Variants in USH2A observed in about 807,000 individuals in gnomAD.
The protein encoded by USH2A is usherin.
USH2A carries 443 observed loss-of-function variants against 538.9 expected under a neutral mutation model. The ratio of observed to expected loss-of-function variants is 0.82; its 90% CI spans 0.76 to 0.89. USH2A has a LOEUF of 0.89. Among genes scored for constraint, USH2A ranks in the 40% least tolerant of loss-of-function variants. USH2A has a pLI of 0.00. For synonymous variants in USH2A, 2,413 were observed against 2,273.5 expected, an observed-to-expected ratio of 1.06 and a Z score of -1.75; for missense variants, 6,633 against 6,324.8, an observed-to-expected ratio of 1.05 and a Z score of -1.65.
chr1:215,888,487 G>A lies in USH2A; in HGVS notation c.8162C>T (p.Pro2721Leu). The A allele has an allele frequency of 6.2e-7, 1 of 1,614,010 alleles. No homozygotes were observed. The highest frequency in any genetic ancestry group is 1.3e-5 in the African/African-American group (1 of 75,040). ...TGGCTGCACCCCAGCAGGTCGTGAG[G>A]GTCTTGTGGTAACTTCTACCCAAGC... ...SSAWVEVTTR[P>L]SRPAGVQPPV... Residue 2721 changes from proline to leucine, a missense_variant, in exon 41 of 72, where the codon CCC (proline) becomes CTC (leucine). Transcript: ENST00000307340.
At chr1:215,626,068 C>T (rs948007444) in intron 71 of USH2A, among the ~76,000 whole-genome samples, 198 bp from the exon 72 acceptor site, 84 of 151,948 alleles carry the variant, frequency 5.5e-4, no homozygotes, top group African/African-American at 1.7e-3. Flanking sequence ...CACACATGAA[C>T]TATAGACTAA....
At chr1:216,390,897 A>C (rs1189328177) in intron 3 of USH2A, among the ~76,000 whole-genome samples, 1 of 152,202 alleles carries the variant, frequency 6.6e-6, no homozygotes, top group Non-Finnish European at 1.5e-5. Flanking sequence ...GAGGGGTGCA[A>C]GTTATTTTTA....
At chr1:215,981,700 A>G (rs1219358212) in intron 35 of USH2A, among the ~76,000 whole-genome samples, 8 of 152,174 alleles carry the variant, frequency 5.3e-5, no homozygotes, top group Admixed American at 3.9e-4. Context: ...AGGACTATCT[A>G]CTAGTCCAAG....
chr1:216,044,994 T>A (rs1347628), intron 32 of USH2A, among the ~76,000 whole-genome samples: 62,025 of 152,022 alleles, frequency 0.41, 13,068 homozygotes, highest in Non-Finnish European at 0.48. Context: ...TACACAGCCC[T>A]GTCCACACGA....
intron 9 of USH2A, 95 bp from the exon 10 acceptor site, chr1:216,292,465 A>C: frequency 4.6e-6 from 6 of 1,305,140 alleles, no homozygotes; most frequent in Non-Finnish European, 6.4e-6. Flanking sequence ...AGTAAAGCAC[A>C]TATCAGTGAG....
Position 216,073,305 on chromosome 1 carries a change from C to G in USH2A, c.5573-5G>C, listed in dbSNP as rs1282525905. 1 of 1,606,706 alleles carries G rather than the reference C, an allele frequency of 6.2e-7. No homozygotes were observed. Among genetic ancestry groups the G allele is most frequent in the Non-Finnish European group, 8.5e-7 (1 of 1,178,366 alleles). Reference sequence around the variant, plus strand: ...CCTTCATGCAACCACCGAAACCTAGCAAATAGTAAGGGATTAGTATCGCAT... The same window carrying G: ...CCTTCATGCAACCACCGAAACCTAGGAAATAGTAAGGGATTAGTATCGCAT... On this transcript the variant is annotated splice_polypyrimidine_tract_variant and splice_region_variant and intron_variant, in intron 27 of 71. Transcript: ENST00000307340.
chr1:216,270,535 A>T (rs551112525), intron 11 of USH2A, among the ~76,000 whole-genome samples: 115 of 152,130 alleles, frequency 7.6e-4, no homozygotes, highest in African/African-American at 2.6e-3. Flanking sequence ...CAAGCTATGC[A>T]CTCTGTGAGT....
intron 31 of USH2A, among the ~76,000 whole-genome samples, chr1:216,047,787 ATATGTACAATTCCTCT>A (rs1380517424): frequency 6.6e-6 from 1 of 152,188 alleles, no homozygotes; most frequent in East Asian, 1.9e-4. Context: ...ACAGTATAAG[ATATGTACAATTCCTCT>A]TATCCAGAAT....
intron 44 of USH2A, among the ~76,000 whole-genome samples, chr1:215,849,344 A>C (rs1558126560): frequency 6.6e-6 from 1 of 152,196 alleles, no homozygotes; most frequent in Non-Finnish European, 1.5e-5. Flanking sequence ...ACAAAGACAG[A>C]GATGTAAAGG....
chr1:216,226,848 T>C (rs2035572383), intron 14 of USH2A, among the ~76,000 whole-genome samples: 2 of 152,192 alleles, frequency 1.3e-5, no homozygotes, highest in Admixed American at 1.3e-4. Flanking sequence ...TTCCTTGTCA[T>C]GATGAACTCT....
intron 50 of USH2A, among the ~76,000 whole-genome samples, chr1:215,797,985 T>C (rs1423127559): frequency 6.6e-6 from 1 of 152,142 alleles, no homozygotes. Flanking sequence ...TCATGATTCA[T>C]GGGAAGAAGT....
At chr1:216,188,079 G>T (rs2034643623) in intron 20 of USH2A, among the ~76,000 whole-genome samples, 1 of 151,914 alleles carries the variant, frequency 6.6e-6, no homozygotes, top group Admixed American at 6.6e-5. Context: ...AGAGGGCTCT[G>T]ACTAGTTAGT....
rs146325401 is a variant in USH2A, at chr1:215,639,213, C to A, written c.14994G>T (p.Thr4998=). 1 of 1,614,012 alleles carries A rather than the reference C, an allele frequency of 6.2e-7. No individual in the cohort carries two copies. Among genetic ancestry groups the A allele is most frequent in the African/African-American group, 1.3e-5 (1 of 75,000 alleles). ...GCGTCTTAACACTTCCTTCGTCAGT[C>A]GTGCAGATGACCTGGAAAAAGAAGG... ...DKTFFFQVIC[T]TDEGSVKTPL... is the part of the protein sequence containing the mutation. The change falls in exon 69 of 72, where the codon ACG becomes ACT. Residue 4998 remains threonine (T), a synonymous_variant. Coordinates refer to ENST00000307340, the MANE Select transcript of USH2A (RefSeq NM_206933.4).
intron 67 of USH2A, among the ~76,000 whole-genome samples, chr1:215,644,879 T>C (rs979242629): frequency 3.3e-5 from 5 of 152,158 alleles, no homozygotes; most frequent in Admixed American, 2.0e-4. Flanking sequence ...GAAGAGGAGC[T>C]TGTTTGCTTT....
At chr1:215,964,544 C>G (rs1667285769) in intron 37 of USH2A, among the ~76,000 whole-genome samples, 2 of 152,122 alleles carry the variant, frequency 1.3e-5, no homozygotes, top group South Asian at 2.1e-4. Context: ...GACTAACATG[C>G]TAATAACATG....
intron 36 of USH2A, 56 bp downstream of exon 36, chr1:215,970,569 T>A: frequency 6.2e-7 from 1 of 1,609,726 alleles, no homozygotes; most frequent in Non-Finnish European, 8.5e-7. Flanking sequence ...TCTTCCTTAA[T>A]ATTCAGTGTC....
chr1:216,049,337 G>T (rs1258006796), intron 30 of USH2A, among the ~76,000 whole-genome samples: 1 of 152,134 alleles, frequency 6.6e-6, no homozygotes, highest in Non-Finnish European at 1.5e-5. Context: ...TGGCTTGCTG[G>T]TAGATATATG....
At chr1:216,331,085 T>C (rs976440933) in intron 4 of USH2A, among the ~76,000 whole-genome samples, 119 of 152,192 alleles carry the variant, frequency 7.8e-4, no homozygotes, top group African/African-American at 2.8e-3. Flanking sequence ...TTTGAAGAAA[T>C]TCTTCATAAA....
At chr1:216,150,360 T>C (rs985291494) in intron 21 of USH2A, among the ~76,000 whole-genome samples, 3 of 151,746 alleles carry the variant, frequency 2.0e-5, no homozygotes, top group African/African-American at 4.8e-5. Flanking sequence ...TTTACTTTTA[T>C]ACTCACTCTT....
Sources: allele counts gnomAD v4.1 joint callset (sites outside exome capture counted in the v4.1 genomes callset), GRCh38; gene constraint gnomAD v4.1.1; transcripts MANE v1.5; gene names NCBI Gene and HGNC (gene_info 2026-07-23, HGNC 2026-07-21).